The following TSEN2 variants were observed in gnomAD, a reference collection of about 807,000 sequenced individuals.
TSEN2 encodes the protein tRNA splicing endonuclease subunit 2, also known as tRNA-splicing endonuclease subunit Sen2.
A neutral mutation model predicts 59.2 loss-of-function variants in TSEN2; 54 were observed. That is an observed-to-expected ratio of 0.91 (90% CI 0.73 to 1.14). The LOEUF (loss-of-function observed/expected upper bound fraction) is 1.14. Among genes scored for constraint, TSEN2 ranks in the 50% most tolerant of loss-of-function variants. TSEN2 has a pLI of 0.00. For missense variants in TSEN2, 636 were observed against 576.2 expected (o/e 1.10, Z -1.06); for synonymous variants, 195 against 198.2 (o/e 0.98, Z 0.14).
At chr3:12,480,845 G>C (rs188224932), upstream of TSEN2, among the ~76,000 whole-genome samples, 112 of 152,154 alleles carry the variant, frequency 7.4e-4, 1 homozygote, top group African/African-American at 2.5e-3. Flanking sequence ...GTCATGTTTT[G>C]TTAATGCATT....
intron 7 of TSEN2, among the ~76,000 whole-genome samples, chr3:12,518,702 CTCTT>C (rs1324535783): frequency 2.4e-5 from 3 of 123,448 alleles, no homozygotes; most frequent in Admixed American, 8.0e-5. Flanking sequence ...TTTATATTCT[CTCTT>C]TTTTTTTTTT....
intron 9 of TSEN2, 111 bp from the exon 10 acceptor site, chr3:12,529,651 C>T: frequency 1.1e-6 from 1 of 937,654 alleles, no homozygotes; most frequent in Non-Finnish European, 1.6e-6. Flanking sequence ...AATTTAGAAT[C>T]AGATGATGCA....
intron 6 of TSEN2, among the ~76,000 whole-genome samples, chr3:12,509,223 C>G (rs1262788883): frequency 2.7e-5 from 4 of 146,224 alleles, no homozygotes; most frequent in African/African-American, 1.0e-4. Context: ...TTTTTTGAGA[C>G]AGGGTCTCGC....
In TSEN2 at chr3:12,505,091, A is replaced by C. The variant is rs2054671546; in HGVS notation, c.832-63A>C. ...ATAAGAAAAATGTTCATTTTAAAAT[A>C]CATTCTCTATGACATGTAGTGCTTC... On this transcript the variant is annotated intron_variant, in intron 5 of 11. Coordinates refer to ENST00000284995, the MANE Select transcript of TSEN2 (RefSeq NM_025265.4). 8.5e-6 allele frequency: 8 copies of C among 940,640 alleles called. No homozygotes were observed. In the Admixed American group the frequency reaches 1.4e-4, roughly 16 times the overall value. 58.3% of individuals were successfully genotyped at this position (940,640 alleles called of 1,614,324 possible). A position where few individuals can be genotyped will look rare whatever the true frequency, so the allele number is the denominator to read the frequency against.
At chr3:12,495,140 A>C (rs2053620672) in intron 3 of TSEN2, among the ~76,000 whole-genome samples, 1 of 151,942 alleles carries the variant, frequency 6.6e-6, no homozygotes, top group Admixed American at 6.6e-5. Flanking sequence ...AAAAAAAAAA[A>C]AAAAAAAAGT....
chr3:12,536,818 A>G (rs977054674), downstream of TSEN2, among the ~76,000 whole-genome samples: 2 of 152,012 alleles, frequency 1.3e-5, no homozygotes, highest in African/African-American at 4.8e-5. Flanking sequence ...AGTGGCCAAC[A>G]TGGTGAAACC....
intron 10 of TSEN2, 153 bp downstream of exon 10, chr3:12,530,026 C>T (rs893115045): frequency 6.8e-7 from 1 of 1,461,330 alleles, no homozygotes; most frequent in East Asian, 2.5e-5. Context: ...CATTCGTACC[C>T]TTCCCTTATT....
chr3:12,528,993 C>T, intron 9 of TSEN2, 69 bp downstream of exon 9: 5 of 1,534,844 alleles, frequency 3.3e-6, no homozygotes, highest in Non-Finnish European at 3.6e-6. Flanking sequence ...TCTAATTTAA[C>T]TTTTTGGTGC....
intron 8 of TSEN2, among the ~76,000 whole-genome samples, chr3:12,525,482 C>T (rs2057001208): frequency 6.6e-6 from 1 of 152,188 alleles, no homozygotes; most frequent in African/African-American, 2.4e-5. Context: ...TTCCACACCT[C>T]TGTCTAGCAT....
At chr3:12,525,796 C>T (rs534901080) in intron 8 of TSEN2, among the ~76,000 whole-genome samples, 24 of 151,648 alleles carry the variant, frequency 1.6e-4, no homozygotes, top group Middle Eastern at 3.5e-3. Context: ...AACTCCTGGC[C>T]TCAAATGATC....
In TSEN2 at chr3:12,528,893, T is replaced by C; in HGVS notation, c.1105T>C (p.Tyr369His). The change falls in exon 9 of 12, where the codon TAT becomes CAT. Residue 369 changes from tyrosine to histidine, a missense_variant. Transcript: ENST00000284995. Reference protein sequence around the residue: ...GLKYGTDLLLYRKGPPFYHAS... With the variant: ...GLKYGTDLLLHRKGPPFYHAS... Reference sequence around the variant, plus strand: ...TTTTTCTTTCTTCTTTGCAGTGCTATATCGGAAAGGCCCTCCATTTTACCA... The same window carrying C: ...TTTTTCTTTCTTCTTTGCAGTGCTACATCGGAAAGGCCCTCCATTTTACCA... 1 of 1,614,082 alleles carries C rather than the reference T, an allele frequency of 6.2e-7. No individual in the cohort carries two copies. The highest frequency in any genetic ancestry group is 1.3e-5 in the African/African-American group (1 of 75,034).
At chr3:12,520,528 G>A (rs967291636) in intron 8 of TSEN2, among the ~76,000 whole-genome samples, 23 of 152,040 alleles carry the variant, frequency 1.5e-4, no homozygotes, top group African/African-American at 4.1e-4. Context: ...GGTGGCTCAC[G>A]CCTGTAATCC....
intron 10 of TSEN2, chr3:12,539,043 TA>T (rs1559377163): frequency 5.1e-6 from 2 of 392,206 alleles, no homozygotes; most frequent in African/African-American, 2.2e-5. Flanking sequence ...AGAGCTCCTT[TA>T]AAAGGAGTGA....
At chr3:12,491,420 G>A (rs1178729469) in intron 2 of TSEN2, among the ~76,000 whole-genome samples, 2 of 152,214 alleles carry the variant, frequency 1.3e-5, no homozygotes, top group Non-Finnish European at 2.9e-5. Context: ...CAGCAGGAAT[G>A]AGAGGAATAC....
In TSEN2 at chr3:12,524,489, C is replaced by T. The variant is rs185691231; in HGVS notation, c.1100-4399C>T. ...GCGTTTTGTGGCTGGTTACTGCATC[C>T]CTCCAGTCTCTACCTTGTCTGTCTG... On this transcript the variant is annotated intron_variant, in intron 8 of 11. Coordinates refer to ENST00000284995, the MANE Select transcript of TSEN2 (RefSeq NM_025265.4). Among the ~76,000 whole-genome samples the T allele has an allele frequency of 1.2e-4, 18 of 152,246 alleles. No individual in the cohort carries two copies. The East Asian group carries it at 1.7e-3, about 15-fold the overall frequency.
chr3:12,483,201 C>T (rs1319113240), upstream of TSEN2, among the ~76,000 whole-genome samples: 1 of 152,152 alleles, frequency 6.6e-6, no homozygotes, highest in South Asian at 2.1e-4. Context: ...CGTGGTGAAA[C>T]CCCGTTTCTA....
chr3:12,498,296 C>G (rs1253671676), intron 4 of TSEN2, among the ~76,000 whole-genome samples: 2 of 152,044 alleles, frequency 1.3e-5, no homozygotes, highest in African/African-American at 4.8e-5. Context: ...AGTCAAGGCC[C>G]CGCAGTTACA....
Position 12,496,559 on chromosome 3 carries a change from G to A in TSEN2, c.308+5G>A. On this transcript the variant is annotated splice_donor_5th_base_variant and intron_variant, in intron 4 of 11. Coordinates refer to ENST00000284995, the MANE Select transcript of TSEN2 (RefSeq NM_025265.4). ...GCCTATCATCACATCAAAGAGGTAA[G>A]TCATAATGAACTTTGGCTTCTGTCA... 6.2e-7 allele frequency: 1 copy of A among 1,614,098 alleles called. No homozygotes were observed. The highest frequency in any genetic ancestry group is 8.5e-7 in the Non-Finnish European group (1 of 1,179,994).
At chr3:12,512,169 G>A (rs955716327) in intron 6 of TSEN2, among the ~76,000 whole-genome samples, 5 of 152,170 alleles carry the variant, frequency 3.3e-5, no homozygotes, top group African/African-American at 1.2e-4. Context: ...TCATTGTGTC[G>A]CATCCCTCTT....
Sources: allele counts gnomAD v4.1 joint callset (sites outside exome capture counted in the v4.1 genomes callset), GRCh38; gene constraint gnomAD v4.1.1; transcripts MANE v1.5; gene names NCBI Gene and HGNC (gene_info 2026-07-23, HGNC 2026-07-21).